ELAVL2: variants seen among roughly 807,000 people sequenced by gnomAD.
ELAVL2 encodes ELAV-like protein 2.
A neutral mutation model predicts 34.6 loss-of-function variants in ELAVL2; 4 were observed. The ratio of observed to expected loss-of-function variants is 0.12; its 90% CI spans 0.06 to 0.26. The LOEUF is 0.26. Among genes scored for constraint, ELAVL2 ranks in the 10% least tolerant of loss-of-function variants. The pLI is 1.00. For synonymous variants in ELAVL2, 193 were observed against 154.8 expected, an observed-to-expected ratio of 1.25 and a Z score of -1.83; for missense variants, 432 against 442.8, an observed-to-expected ratio of 0.98 and a Z score of 0.22.
At chr9:23,749,900 C>CCTA (rs2135523714) in intron 2 of ELAVL2, among the ~76,000 whole-genome samples, 1 of 152,080 alleles carries the variant, frequency 6.6e-6, no homozygotes, top group Admixed American at 6.6e-5. Context: ...TCCTTTGGTG[C>CCTA]CTACTAACAA....
chr9:23,815,899 G>T (rs1377621056), intron 1 of ELAVL2, among the ~76,000 whole-genome samples: 1 of 152,132 alleles, frequency 6.6e-6, no homozygotes, highest in Non-Finnish European at 1.5e-5. Flanking sequence ...CTATGAGACA[G>T]GAAAGCTTAG....
chr9:23,693,038 C>T (rs1215291838), intron 6 of ELAVL2, among the ~76,000 whole-genome samples, 154 bp from the exon 7 acceptor site: 1 of 152,196 alleles, frequency 6.6e-6, no homozygotes, highest in Non-Finnish European at 1.5e-5. Context: ...TGACCAAGGT[C>T]TGTGTGTGGC....
intron 3 of ELAVL2, among the ~76,000 whole-genome samples, chr9:23,727,194 A>C (rs2045425370): frequency 6.6e-6 from 1 of 152,092 alleles, no homozygotes; most frequent in Admixed American, 6.6e-5. Context: ...TTTCACCAGC[A>C]AGGTATGCCT....
intron 2 of ELAVL2, among the ~76,000 whole-genome samples, chr9:23,750,131 T>C (rs1212815945): frequency 6.6e-6 from 1 of 151,830 alleles, no homozygotes; most frequent in Non-Finnish European, 1.5e-5. Flanking sequence ...TATCCAAATA[T>C]ATTGTTTTCT....
intron 1 of ELAVL2, among the ~76,000 whole-genome samples, chr9:23,776,639 A>C (rs2058235683): frequency 6.6e-6 from 1 of 151,914 alleles, no homozygotes. Flanking sequence ...GTGTCCTAAG[A>C]AGGTGTCCAA....
chr9:23,825,516 A>G (rs954366335), intron 1 of ELAVL2, among the ~76,000 whole-genome samples: 4 of 152,052 alleles, frequency 2.6e-5, no homozygotes, highest in Non-Finnish European at 5.9e-5. Flanking sequence ...TCCGATCTCA[A>G]TCTTGAAGCT....
Position 23,692,823 on chromosome 9 carries a change from G to A in ELAVL2, c.814C>T (p.Pro272Ser). Residue 272 changes from proline (P) to serine (S), a missense_variant, in exon 7 of 7, where the codon CCT becomes TCT. Pro to Ser is a moderately conservative substitution (Grantham distance 74). Transcript: ENST00000397312. ...ACAAATATACACCACCCTGTTCCAG[G>A]GTGCCCAGGGATATTAATTCCAGCC... Reference protein sequence around the residue: ...SLAGINIPGHPGTGWCIFVYN... With the variant: ...SLAGINIPGHSGTGWCIFVYN... The A allele has an allele frequency of 3.1e-6, 5 of 1,614,104 alleles. No individual in the cohort carries two copies. In the South Asian group the frequency reaches 5.5e-5, roughly 18 times the overall value.
At chr9:23,765,789 G>T (rs564230964) in intron 1 of ELAVL2, among the ~76,000 whole-genome samples, 2 of 152,108 alleles carry the variant, frequency 1.3e-5, no homozygotes, top group Non-Finnish European at 2.9e-5. Context: ...AGTAATGCTC[G>T]CATAGGATGT....
intron 2 of ELAVL2, among the ~76,000 whole-genome samples, chr9:23,747,435 T>C (rs1055801638): frequency 2.0e-5 from 3 of 152,194 alleles, no homozygotes; most frequent in African/African-American, 7.2e-5. Context: ...CGGTATTTCA[T>C]GGCACAGGCT....
intron 5 of ELAVL2, among the ~76,000 whole-genome samples, chr9:23,698,853 A>C (rs960089798): frequency 6.6e-6 from 1 of 152,194 alleles, no homozygotes; most frequent in Non-Finnish European, 1.5e-5. Context: ...GATTTCTTCC[A>C]ACACACCCAA....
intron 2 of ELAVL2, among the ~76,000 whole-genome samples, chr9:23,757,906 G>A (rs890789022): frequency 2.6e-5 from 4 of 152,000 alleles, no homozygotes; most frequent in Admixed American, 2.6e-4. Flanking sequence ...CTCTCTTCAA[G>A]GACTTAAGAA....
intron 1 of ELAVL2, among the ~76,000 whole-genome samples, chr9:23,779,601 C>G (rs1352012490): frequency 6.6e-6 from 1 of 151,938 alleles, no homozygotes; most frequent in Non-Finnish European, 1.5e-5. Context: ...AATATCAGAG[C>G]AATTACAGTT....
At position 23,690,996 on chromosome 9, in the gene ELAVL2, T is replaced by C. The variant is rs1464709544; in HGVS notation, c.*1561A>G. 4 of 152,576 alleles carry C rather than the reference T, an allele frequency of 2.6e-5. No individual in the cohort carries two copies. The allele number at this position is 152,576 out of a possible 1,614,324, so 9.5% of individuals were successfully genotyped here. ...TTTTTGTATGAAAAATGTAAGGAAA[T>C]TTGTTCAAAACCTATGGTTATACTC... On this transcript the variant is annotated 3_prime_UTR_variant, in exon 7 of 7. Coordinates refer to ENST00000397312, the MANE Select transcript of ELAVL2 (RefSeq NM_004432.5).
At chr9:23,780,628 A>G (rs1435803454) in intron 1 of ELAVL2, among the ~76,000 whole-genome samples, 2 of 152,186 alleles carry the variant, frequency 1.3e-5, no homozygotes. Flanking sequence ...AAGGTTAAAG[A>G]AATAAGAGTA....
chr9:23,742,870 A>C (rs1029901212), intron 2 of ELAVL2, among the ~76,000 whole-genome samples: 3 of 152,128 alleles, frequency 2.0e-5, no homozygotes, highest in South Asian at 2.1e-4. Context: ...CTTTCCTCTA[A>C]ACTTAAAATA....
At chr9:23,816,578 G>A (rs1361555833) in intron 1 of ELAVL2, among the ~76,000 whole-genome samples, 1 of 151,968 alleles carries the variant, frequency 6.6e-6, no homozygotes, top group African/African-American at 2.4e-5. Context: ...CACTACAGAT[G>A]GTCCCCAATT....
intron 3 of ELAVL2, among the ~76,000 whole-genome samples, chr9:23,726,950 T>C (rs186759849): frequency 1.1e-4 from 16 of 152,158 alleles, no homozygotes; most frequent in Middle Eastern, 3.4e-3. Flanking sequence ...CTGAAGGATC[T>C]TGGAGAAAAA....
At chr9:23,719,491 G>A (rs181460179) in intron 3 of ELAVL2, among the ~76,000 whole-genome samples, 94 of 152,142 alleles carry the variant, frequency 6.2e-4, no homozygotes, top group Middle Eastern at 6.8e-3. Flanking sequence ...AAAATCCTTG[G>A]TTTCTTATTA....
intron 1 of ELAVL2, among the ~76,000 whole-genome samples, chr9:23,811,340 A>G (rs975977547): frequency 5.7e-5 from 7 of 123,430 alleles, no homozygotes; most frequent in Non-Finnish European, 9.6e-5. Flanking sequence ...GGAAAAAAAA[A>G]AAAACCCACG....
Sources: allele counts gnomAD v4.1 joint callset (sites outside exome capture counted in the v4.1 genomes callset), GRCh38; gene constraint gnomAD v4.1.1; transcripts MANE v1.5; gene names NCBI Gene and HGNC (gene_info 2026-07-23, HGNC 2026-07-21).